ADAM7: variants seen among roughly 807,000 people sequenced by gnomAD.
ADAM7 encodes the protein disintegrin and metalloproteinase domain-containing protein 7.
In ADAM7, 97 loss-of-function variants were observed where a neutral mutation model predicts 102.9. The ratio of observed to expected loss-of-function variants is 0.94; its 90% CI spans 0.80 to 1.12. ADAM7 has a LOEUF of 1.12. Ranked by LOEUF, ADAM7 falls within the 50% of genes most tolerant of loss-of-function variation. The pLI, the probability that ADAM7 is intolerant of heterozygous loss-of-function variation, is 0.00. For missense variants in ADAM7, 991 were observed against 908.7 expected, an observed-to-expected ratio of 1.09 and a Z score of -1.16; for synonymous variants, 334 against 304.4, an observed-to-expected ratio of 1.10 and a Z score of -1.01.
intron 2 of ADAM7, among the ~76,000 whole-genome samples, chr8:24,443,458 G>T (rs1336477753): frequency 6.6e-6 from 1 of 152,164 alleles, no homozygotes; most frequent in Non-Finnish European, 1.5e-5. Context: ...GAAGTAATAT[G>T]TAACTATTTT....
intron 4 of ADAM7, among the ~76,000 whole-genome samples, chr8:24,464,844 C>T (rs113466180): frequency 0.018 from 2,031 of 113,174 alleles, 281 homozygotes; most frequent in African/African-American, 0.061. Flanking sequence ...TGGAGCGCAG[C>T]GGCACAATCT....
chr8:24,509,233 A>G lies in ADAM7; in HGVS notation c.*687A>G, dbSNP rs1563402016. On this transcript the variant is annotated 3_prime_UTR_variant, in exon 22 of 22. Coordinates refer to ENST00000175238, the MANE Select transcript of ADAM7 (RefSeq NM_003817.4). The stretch of plus-strand genomic sequence containing the variant: ...CAGAGGGTTACAAGAATTTCAGAAA[A>G]TTTACTCCAAGTGAGAGGACATACT... 1.0e-6 allele frequency: 1 copy of G among 985,446 alleles called. No individual in the cohort carries two copies. 61.0% of individuals were successfully genotyped at this position (985,446 alleles called of 1,614,324 possible). A position where few individuals can be genotyped will look rare whatever the true frequency, so the allele number is the denominator to read the frequency against.
chr8:24,465,927 C>T, intron 5 of ADAM7, 152 bp downstream of exon 5: 1 of 519,406 alleles, frequency 1.9e-6, no homozygotes, highest in Non-Finnish European at 3.3e-6. Context: ...CAGCTGTAGC[C>T]TATGATTTAC....
Position 24,501,555 on chromosome 8 carries a change from G to A in ADAM7, c.2187G>A (p.Leu729=), listed in dbSNP as rs13277171. 0.31 allele frequency: 500,216 copies of A among 1,591,922 alleles called. 81,985 individuals are homozygous for A. Among genetic ancestry groups the A allele is most frequent in the South Asian group, 0.41 (35,496 of 86,888 alleles). ...AGCAGATAAGGACTGAGCCAATCCT[G>A]CCAGAAATTCATTTCCTAAATGTAA... The part of the protein sequence containing the change: ...DEQQIRTEPI[L]PEIHFLNKPA... The change falls in exon 20 of 22, where the codon CTG becomes CTA. Residue 729 remains leucine (L), a synonymous_variant. Coordinates refer to ENST00000175238, the MANE Select transcript of ADAM7 (RefSeq NM_003817.4).
At position 24,467,289 on chromosome 8, in the gene ADAM7, A is replaced by C. The variant is rs143542257; in HGVS notation, c.579+301A>C. 7.8e-4 allele frequency: 317 copies of C among 408,468 alleles called. 1 individual carries two copies. The highest frequency in any genetic ancestry group is 4.8e-3 in the African/African-American group (233 of 48,766). The allele number at this position is 408,468 out of a possible 1,614,324, so 25.3% of individuals were successfully genotyped here. A position where few individuals can be genotyped will look rare whatever the true frequency, so the allele number is the denominator to read the frequency against. On this transcript the variant is annotated intron_variant, in intron 6 of 21. Transcript: ENST00000175238. ...TTCAATGTCCTAAAACCTAATCTAGAGATAGTGTCTTTCCTTTTCTTCCCT... is the reference window on the plus strand; with the variant it reads ...TTCAATGTCCTAAAACCTAATCTAGCGATAGTGTCTTTCCTTTTCTTCCCT...
chr8:24,453,606 G>A (rs569081296), intron 3 of ADAM7, among the ~76,000 whole-genome samples: 1 of 152,192 alleles, frequency 6.6e-6, no homozygotes, highest in East Asian at 1.9e-4. Flanking sequence ...ATTTCCTCCT[G>A]TAGCTCGGAG....
chr8:24,509,546 G>C lies in ADAM7; in HGVS notation c.*1000G>C, dbSNP rs953097245. 4.7e-5 allele frequency: 46 copies of C among 984,360 alleles called. No homozygotes were observed. Among genetic ancestry groups the C allele is most frequent in the Non-Finnish European group, 5.5e-5 (46 of 829,174 alleles). 61.0% of individuals were successfully genotyped at this position (984,360 alleles called of 1,614,324 possible). A position where few individuals can be genotyped will look rare whatever the true frequency, so the allele number is the denominator to read the frequency against. ...TTCTGACTCGATGAAATAAATAAAG[G>C]CTACAAAAGAAGGAAGAAAGGCTGT... On this transcript the variant is annotated 3_prime_UTR_variant, in exon 22 of 22. Coordinates refer to ENST00000175238, the MANE Select transcript of ADAM7 (RefSeq NM_003817.4).
Position 24,501,507 on chromosome 8 carries a change from C to T in ADAM7, c.2139C>T (p.Asn713=). 6.2e-7 allele frequency: 1 copy of T among 1,608,184 alleles called. No individual in the cohort carries two copies. Among genetic ancestry groups the T allele is most frequent in the Admixed American group, 1.7e-5 (1 of 58,516 alleles). ...CTACAGAAACCCTGGGAGTGGAGAA[C>T]AAAGGATACTTTGGTGATGAGCAGC... ...SPPTETLGVE[N]KGYFGDEQQI... Residue 713 remains asparagine (N), a synonymous_variant, in exon 20 of 22, where the codon AAC becomes AAT. Transcript: ENST00000175238.
At chr8:24,461,398 A>G (rs1039196886) in intron 3 of ADAM7, among the ~76,000 whole-genome samples, 1 of 152,072 alleles carries the variant, frequency 6.6e-6, no homozygotes, top group Non-Finnish European at 1.5e-5. Flanking sequence ...TCTGTTCCCC[A>G]GTATGTGTCG....
At chr8:24,473,793 G>A (rs996183733) in intron 7 of ADAM7, among the ~76,000 whole-genome samples, 1 of 151,812 alleles carries the variant, frequency 6.6e-6, no homozygotes, top group Admixed American at 6.6e-5. Context: ...TTACATGAGA[G>A]TGACGGTTTC....
Position 24,493,230 on chromosome 8 carries a change from G to C in ADAM7, c.1842+1G>C. ...AGGAACAAAATGTGGAGAGGGAATGGTAAGACAAAAGCCCTTTGTTTTATT... is the reference window on the plus strand; with the variant it reads ...AGGAACAAAATGTGGAGAGGGAATGCTAAGACAAAAGCCCTTTGTTTTATT... On this transcript the variant is annotated splice_donor_variant, in intron 16 of 21. Transcript: ENST00000175238. LOFTEE classifies it high-confidence loss of function. 6.3e-7 allele frequency: 1 copy of C among 1,592,030 alleles called. No homozygotes were observed. Among genetic ancestry groups the C allele is most frequent in the Non-Finnish European group, 8.5e-7 (1 of 1,171,774 alleles).
chr8:24,472,839 A>G (rs1471978467), intron 7 of ADAM7, among the ~76,000 whole-genome samples: 3 of 152,080 alleles, frequency 2.0e-5, no homozygotes, highest in Non-Finnish European at 4.4e-5. Flanking sequence ...CTTTGAAAAC[A>G]TTAATGAAAT....
At chr8:24,488,151 TCTG>T (rs1329364304) in intron 11 of ADAM7, among the ~76,000 whole-genome samples, 1 of 152,190 alleles carries the variant, frequency 6.6e-6, no homozygotes, top group Non-Finnish European at 1.5e-5. Flanking sequence ...ACTGTACTCT[TCTG>T]CTGGAATATA....
chr8:24,486,015 TTA>T (rs1820132568), intron 10 of ADAM7, among the ~76,000 whole-genome samples: 1 of 152,194 alleles, frequency 6.6e-6, no homozygotes, highest in South Asian at 2.1e-4. Flanking sequence ...GACTTACTTA[TTA>T]TATAGTTATT....
At chr8:24,453,886 G>A (rs1818898630) in intron 3 of ADAM7, among the ~76,000 whole-genome samples, 1 of 152,230 alleles carries the variant, frequency 6.6e-6, no homozygotes, top group Non-Finnish European at 1.5e-5. Flanking sequence ...ACCCTCAGCT[G>A]CAGGTCTGTT....
intron 3 of ADAM7, among the ~76,000 whole-genome samples, chr8:24,457,230 A>C (rs1285217040): frequency 1.3e-5 from 2 of 152,020 alleles, no homozygotes; most frequent in African/African-American, 4.8e-5. Flanking sequence ...ATATCTTTTT[A>C]ATCTTTAAAT....
At chr8:24,497,643 G>C (rs1048506951) in intron 16 of ADAM7, among the ~76,000 whole-genome samples, 3 of 152,038 alleles carry the variant, frequency 2.0e-5, no homozygotes, top group Admixed American at 2.0e-4. Flanking sequence ...ACACAGAAGA[G>C]AGGTGAAAAT....
intron 7 of ADAM7, among the ~76,000 whole-genome samples, chr8:24,475,294 T>A (rs1211933437): frequency 6.6e-6 from 1 of 152,168 alleles, no homozygotes; most frequent in East Asian, 1.9e-4. Context: ...TTTTAGGCAG[T>A]GAATTTTGGG....
chr8:24,459,685 C>T (rs1256662077), intron 3 of ADAM7, among the ~76,000 whole-genome samples: 1 of 152,078 alleles, frequency 6.6e-6, no homozygotes. Flanking sequence ...GCCTCGAACT[C>T]CAGGCCTCAA....
Sources: gnomAD v4.1 joint callset for allele counts (sites outside exome capture counted in the v4.1 genomes callset) on GRCh38, gnomAD v4.1.1 for gene constraint, MANE v1.5 for transcripts, NCBI Gene and HGNC (gene_info 2026-07-23, HGNC 2026-07-21) for gene names.